The following RECQL5 variants were observed in gnomAD, a reference collection of about 807,000 sequenced individuals.
The protein encoded by RECQL5 is ATP-dependent DNA helicase Q5.
RECQL5 carries 88 observed loss-of-function variants against 103.4 expected under a neutral mutation model. The observed-to-expected ratio is 0.85, with a 90% CI of 0.72 to 1.02. The LOEUF is 1.02. RECQL5 is among the 50% of genes least tolerant of loss of function. RECQL5 has a pLI of 0.00. For missense variants in RECQL5, 1,232 were observed against 1,284.3 expected, an observed-to-expected ratio of 0.96 and a Z score of 0.62; for synonymous variants, 552 against 507.9, an observed-to-expected ratio of 1.09 and a Z score of -1.17.
chr17:75,649,495 T>C (rs1052206104), intron 8 of RECQL5: 4 of 321,634 alleles, frequency 1.2e-5, no homozygotes, highest in African/African-American at 9.0e-5. Context: ...TTTGCAGAAA[T>C]GCACCCACTT....
At chr17:75,643,600 G>A (rs72854945) in intron 8 of RECQL5, among the ~76,000 whole-genome samples, 2,179 of 152,336 alleles carry the variant, frequency 0.014, 72 homozygotes, top group East Asian at 0.079. Context: ...AGCTTCTTGT[G>A]CCGGTCTTCC....
At position 75,640,166 on chromosome 17, in the gene RECQL5, A is replaced by G; in HGVS notation, c.1230-8498T>C. 1 of 1,522,686 alleles carries G rather than the reference A, an allele frequency of 6.6e-7. No individual in the cohort carries two copies. The allele number at this position is 1,522,686 out of a possible 1,614,324, so 94.3% of individuals were successfully genotyped here. A position where few individuals can be genotyped will look rare whatever the true frequency, so the allele number is the denominator to read the frequency against. ...CCAGGTGTTCTCTCTGCCCCAGCAG[A>G]GCCCGGCAGGAGCCCCAACAGGAAG... On this transcript the variant is annotated intron_variant, in intron 8 of 19. Coordinates refer to ENST00000317905, the MANE Select transcript of RECQL5 (RefSeq NM_004259.7). This position sits in a 1 kb window ranked among gnomAD's most constrained non-coding sequence, Gnocchi z 4.6.
intron 4 of RECQL5, among the ~76,000 whole-genome samples, chr17:75,662,055 G>A (rs2059706765): frequency 6.6e-6 from 1 of 152,190 alleles, no homozygotes; most frequent in Non-Finnish European, 1.5e-5. Flanking sequence ...CAGCTACTTG[G>A]GAGGCTGAGG....
chr17:75,665,113 G>A lies in RECQL5; in HGVS notation c.190C>T (p.Leu64Phe), dbSNP rs61733534. The change falls in exon 3 of 20, where the codon CTC becomes TTC. Residue 64 changes from leucine to phenylalanine, a missense_variant. By Grantham distance (22) the Leu-to-Phe change is conservative. Transcript: ENST00000317905. The stretch of plus-strand genomic sequence containing the variant: ...ATGCCTTTGGCCAACAGAGCAGGGA[G>A]CTGATAGCATAGGGATTTTCCTGCC... ...TGAGKSLCYQ[L>F]PALLAKGITI... 6.2e-7 allele frequency: 1 copy of A among 1,612,428 alleles called. No individual in the cohort carries two copies. Among genetic ancestry groups the A allele is most frequent in the Admixed American group, 1.7e-5 (1 of 59,712 alleles).
chr17:75,665,837 T>C (rs2059769383), intron 2 of RECQL5, among the ~76,000 whole-genome samples: 1 of 152,174 alleles, frequency 6.6e-6, no homozygotes. Flanking sequence ...TGTTTAGACA[T>C]GTATCATTAA....
chr17:75,650,203 G>T (rs1359834272), intron 8 of RECQL5: 2 of 988,984 alleles, frequency 2.0e-6, no homozygotes, highest in Admixed American at 6.0e-5. Context: ...AGGCAAGGGT[G>T]GTCCTGGCAC....
chr17:75,648,534 G>A (rs1037508043), intron 8 of RECQL5, among the ~76,000 whole-genome samples: 37 of 151,782 alleles, frequency 2.4e-4, no homozygotes, highest in Admixed American at 2.2e-3. Flanking sequence ...CACCGTGACC[G>A]GCTAATTTTT....
At chr17:75,650,195 G>A in intron 8 of RECQL5, 2 of 988,650 alleles carry the variant, frequency 2.0e-6, no homozygotes, top group Non-Finnish European at 2.4e-6. Flanking sequence ...AAGGCTGCAG[G>A]CAAGGGTGGT....
At position 75,665,078 on chromosome 17, in the gene RECQL5, T is replaced by A. The variant is rs768770888; in HGVS notation, c.225A>T (p.Val75=). ...PALLAKGITI[V]VSPLIALIQD... is the part of the protein sequence containing the mutation. The stretch of plus-strand genomic sequence containing the variant: ...GAATCAAAGCAATGAGAGGAGAGAC[T>A]ACAATGGTGATGCCTTTGGCCAACA... Residue 75 remains valine, a synonymous_variant, in exon 3 of 20, where the codon GTA becomes GTT. Transcript: ENST00000317905. 20 of 1,611,608 alleles carry A rather than the reference T, an allele frequency of 1.2e-5. No homozygotes were observed. Among genetic ancestry groups the A allele is most frequent in the Non-Finnish European group, 1.7e-5 (20 of 1,179,130 alleles).
At chr17:75,653,533 C>A (rs540945178) in intron 7 of RECQL5, among the ~76,000 whole-genome samples, 1 of 152,144 alleles carries the variant, frequency 6.6e-6, no homozygotes, top group Non-Finnish European at 1.5e-5. Flanking sequence ...TATTCATCAG[C>A]GGCCTTTTTT....
rs201754676 is a variant in RECQL5, at chr17:75,628,951, G to A, written c.2472C>T (p.Cys824=). 3 of 1,572,042 alleles carry A rather than the reference G, an allele frequency of 1.9e-6. No homozygotes were observed. The African/African-American group carries it at 4.1e-5, about 22-fold the overall frequency. Residue 824 remains cysteine (C), a synonymous_variant, in exon 16 of 20, where the codon TGC becomes TGT. Transcript: ENST00000317905. ...ACCCTTACCTTGGCCTCTCCCTGAG[G>A]CACTCCTCAGTCTGGGGAGGGGCAG... is the stretch of plus-strand genomic sequence containing the variant. The part of the protein sequence containing the change: ...HSPAPPQTEE[C]LRERPSTCPP...
rs2059427285 is a variant in RECQL5, at chr17:75,641,038, A to G, written c.1230-9370T>C. On this transcript the variant is annotated intron_variant, in intron 8 of 19. Transcript: ENST00000317905. ...TCTGGCCCAGCCCAGGTACCTGGAC[A>G]CTGACAACTTGAGCCCTACCAAGGA... 4.3e-6 allele frequency: 6 copies of G among 1,405,140 alleles called. No homozygotes were observed. In the African/African-American group the frequency reaches 5.7e-5, roughly 13 times the overall value. 87.0% of individuals were successfully genotyped at this position (1,405,140 alleles called of 1,614,324 possible). A position where few individuals can be genotyped will look rare whatever the true frequency, so the allele number is the denominator to read the frequency against.
rs1568277449 is a variant in RECQL5, at chr17:75,651,059, A to ATG, written c.1229+126_1229+127insCA. The ATG allele has an allele frequency of 3.2e-6, 5 of 1,580,134 alleles. No individual in the cohort carries two copies. The African/African-American group carries it at 6.8e-5, about 21-fold the overall frequency. On this transcript the variant is annotated intron_variant, in intron 8 of 19. Coordinates refer to ENST00000317905, the MANE Select transcript of RECQL5 (RefSeq NM_004259.7). ...TGACTTCCACACTGCCCGACACAAC[A>ATG]GCCTTTGCAGGCAGGTGTCCCTTGG...
chr17:75,630,845 G>GGC lies in RECQL5; in HGVS notation c.1586-9_1586-8insGC. 1 of 1,398,008 alleles carries GGC rather than the reference G, an allele frequency of 7.2e-7. No homozygotes were observed. The highest frequency in any genetic ancestry group is 9.6e-7 in the Non-Finnish European group (1 of 1,044,030). The allele number at this position is 1,398,008 out of a possible 1,614,324, so 86.6% of individuals were successfully genotyped here. A position where few individuals can be genotyped will look rare whatever the true frequency, so the allele number is the denominator to read the frequency against. ...TCAGGGGACAGTTCTCATCTGTGGG[G>GGC]GGGGGGGGTGGTCCTTGGTCCTTTC... On this transcript the variant is annotated splice_polypyrimidine_tract_variant and intron_variant, in intron 11 of 19. Transcript: ENST00000317905.
In RECQL5 at chr17:75,629,377, G is replaced by A. The variant is rs1042984944; in HGVS notation, c.2046C>T (p.Ala682=). Residue 682 remains alanine (A), a synonymous_variant, in exon 16 of 20, where the codon GCC becomes GCT. Coordinates refer to ENST00000317905, the MANE Select transcript of RECQL5 (RefSeq NM_004259.7). ...GCTCGCCTCCCCGCTCGGGCTGGGG[G>A]GCTTGCTCCCTGATCCGAGTTGTCT... ...LMETTRIREQ[A]PQPERGGEHE... is the part of the protein sequence containing the mutation. 3.3e-6 allele frequency: 5 copies of A among 1,511,462 alleles called. No individual in the cohort carries two copies. The highest frequency in any genetic ancestry group is 2.7e-5 in the South Asian group (2 of 73,966). 93.6% of individuals were successfully genotyped at this position (1,511,462 alleles called of 1,614,324 possible).
At chr17:75,649,440 G>T (rs778725141) in intron 8 of RECQL5, 13 of 164,702 alleles carry the variant, frequency 7.9e-5, no homozygotes, top group Non-Finnish European at 1.5e-4. Flanking sequence ...CCACTCCCAT[G>T]TGCCTCAGAC....
intron 8 of RECQL5, chr17:75,647,675 G>A (rs1164885874): frequency 1.1e-5 from 12 of 1,057,944 alleles, no homozygotes; most frequent in Non-Finnish European, 1.5e-5. Context: ...AAGCCCTGGT[G>A]TCTTCCTTTC....
At chr17:75,666,289 C>G in intron 2 of RECQL5, 139 bp downstream of exon 2, 2 of 1,014,778 alleles carry the variant, frequency 2.0e-6, no homozygotes, top group Non-Finnish European at 2.9e-6. Flanking sequence ...AAACTACAAG[C>G]TTTGACAACT....
At chr17:75,648,937 C>A (rs1371750174) in intron 8 of RECQL5, 1 of 152,122 alleles carries the variant, frequency 6.6e-6, no homozygotes, top group Non-Finnish European at 1.5e-5. Flanking sequence ...AAGCGATCCT[C>A]CCACTTCAGC....
Sources: gnomAD v4.1 joint callset for allele counts (sites outside exome capture counted in the v4.1 genomes callset) on GRCh38, gnomAD v4.1.1 for gene constraint, Gnocchi (gnomAD v3.1) non-coding constraint, MANE v1.5 for transcripts, NCBI Gene and HGNC (gene_info 2026-07-23, HGNC 2026-07-21) for gene names.